TYK2: variants seen among roughly 807,000 people sequenced by gnomAD.
TYK2 encodes tyrosine kinase 2, also known as non-receptor tyrosine-protein kinase TYK2.
Under a neutral mutation model 130.9 loss-of-function variants are expected in TYK2, and 65 were observed. The ratio of observed to expected loss-of-function variants is 0.50; its 90% CI spans 0.41 to 0.61. The LOEUF (loss-of-function observed/expected upper bound fraction) is 0.61, where lower values mean the gene tolerates loss of function less well. Among genes scored for constraint, TYK2 ranks in the 20% least tolerant of loss-of-function variants. The pLI is 0.00. For missense variants in TYK2, 1,378 were observed against 1,610.7 expected (o/e 0.86, Z 2.47); for synonymous variants, 647 against 658.9 (o/e 0.98, Z 0.28).
rs1470486930 is a variant in TYK2, at chr19:10,350,677, T to C, written c.*157A>G. 4 of 840,834 alleles carry C rather than the reference T, an allele frequency of 4.8e-6. No homozygotes were observed. Among genetic ancestry groups the C allele is most frequent in the African/African-American group, 3.4e-5 (2 of 58,262 alleles). 52.1% of individuals were successfully genotyped at this position (840,834 alleles called of 1,614,324 possible). ...TAGGCTCACGGCCAAGAAAGAAAAA[T>C]AAGTTCACAGAGGTGGGGTCTCTAG... On this transcript the variant is annotated 3_prime_UTR_variant, in exon 25 of 25. Coordinates refer to ENST00000525621, the MANE Select transcript of TYK2 (RefSeq NM_003331.5).
In TYK2 at chr19:10,353,527, C is replaced by T; in HGVS notation, c.3027+1G>A. 1 of 1,501,608 alleles carries T rather than the reference C, an allele frequency of 6.7e-7. No individual in the cohort carries two copies. 93.0% of individuals were successfully genotyped at this position (1,501,608 alleles called of 1,614,324 possible). On this transcript the variant is annotated splice_donor_variant, in intron 21 of 24. Coordinates refer to ENST00000525621, the MANE Select transcript of TYK2 (RefSeq NM_003331.5). LOFTEE classifies it high-confidence loss of function. The surrounding 1 kb of genome is among the most constrained non-coding windows in gnomAD (Gnocchi z 6.9). ...CAGAAGCAGGGGCGGGGCCGACCAA[C>T]CTCGCAGATCTGCTGGGCGAAGAGC...
intron 3 of TYK2, among the ~76,000 whole-genome samples, chr19:10,370,199 TA>T (rs887127425): frequency 2.0e-4 from 28 of 139,780 alleles, no homozygotes; most frequent in African/African-American, 1.8e-4. Context: ...CCATCTCTAT[TA>T]AAAAAAAAAA....
chr19:10,363,225 T>C (rs900986183), intron 9 of TYK2, among the ~76,000 whole-genome samples: 3 of 149,480 alleles, frequency 2.0e-5, no homozygotes, highest in African/African-American at 7.4e-5. Flanking sequence ...GGTCTTGCTC[T>C]GTTGCCCAGG....
At position 10,365,832 on chromosome 19, in the gene TYK2, C is replaced by G; in HGVS notation, c.696G>C (p.Leu232=). Residue 232 remains leucine (L), a synonymous_variant, in exon 7 of 25, where the codon CTG becomes CTC. Transcript: ENST00000525621. The part of the protein sequence containing the change: ...HIRQHSALTR[L]RLRNVFRRFL... ...ACCTGCGGAAGACGTTCCGAAGGCG[C>G]AGCCGGGTCAGGGCGCTGTGCTGCC... 6.2e-7 allele frequency: 1 copy of G among 1,612,452 alleles called. No individual in the cohort carries two copies. Among genetic ancestry groups the G allele is most frequent in the Non-Finnish European group, 8.5e-7 (1 of 1,179,794 alleles).
At chr19:10,372,056 T>C (rs1048627068) in intron 3 of TYK2, among the ~76,000 whole-genome samples, 1 of 151,820 alleles carries the variant, frequency 6.6e-6, no homozygotes, top group African/African-American at 2.4e-5. Context: ...GGTGGCTCAA[T>C]CTCCGCTCAC....
intron 3 of TYK2, among the ~76,000 whole-genome samples, chr19:10,372,485 T>TATATATATATATATA (rs59201811): frequency 3.0e-4 from 12 of 39,440 alleles, no homozygotes; most frequent in African/African-American, 5.0e-4. Flanking sequence ...TATATATATA[T>TATATATATATATATA]TTTTTTTTTT....
At chr19:10,377,274 T>G (rs1031286907) in intron 3 of TYK2, among the ~76,000 whole-genome samples, 4 of 151,708 alleles carry the variant, frequency 2.6e-5, no homozygotes, top group Admixed American at 2.0e-4. Context: ...AGGCAGTGAT[T>G]TGCAGCTGCC....
chr19:10,356,763 C>A, intron 17 of TYK2, 45 bp from the exon 18 acceptor site: 1 of 1,555,480 alleles, frequency 6.4e-7, no homozygotes, highest in Non-Finnish European at 8.7e-7. Flanking sequence ...TCCCCTCGCC[C>A]CCAACCCGTT....
intron 3 of TYK2, among the ~76,000 whole-genome samples, chr19:10,373,419 A>AC (rs572429975): frequency 1.0e-3 from 151 of 144,226 alleles, no homozygotes; most frequent in Middle Eastern, 4.2e-3. Flanking sequence ...GCTCACTGCA[A>AC]CTCCGCCTCC....
chr19:10,364,523 A>C lies in TYK2; in HGVS notation c.1367+91T>G, dbSNP rs1599349078. The C allele has an allele frequency of 7.0e-7, 1 of 1,424,714 alleles. No individual in the cohort carries two copies. The highest frequency in any genetic ancestry group is 1.2e-5 in the South Asian group (1 of 85,048). 88.3% of individuals were successfully genotyped at this position (1,424,714 alleles called of 1,614,324 possible). On this transcript the variant is annotated intron_variant, in intron 9 of 24. Coordinates refer to ENST00000525621, the MANE Select transcript of TYK2 (RefSeq NM_003331.5). The surrounding 1 kb of genome is among the most constrained non-coding windows in gnomAD (Gnocchi z 4.9). The stretch of plus-strand genomic sequence containing the variant: ...AAAATAAAAAAAAAATAAGACGTGC[A>C]CCTACACACACACCCTGCACAGCCC...
At chr19:10,356,824 T>C in intron 17 of TYK2, 106 bp from the exon 18 acceptor site, 1 of 1,212,086 alleles carries the variant, frequency 8.3e-7, no homozygotes, top group Non-Finnish European at 1.2e-6. Flanking sequence ...GTGCCCGCTC[T>C]TATCAGTTCC....
At chr19:10,378,520 G>T in intron 2 of TYK2, 94 bp from the exon 3 acceptor site, 1 of 984,072 alleles carries the variant, frequency 1.0e-6, no homozygotes, top group Non-Finnish European at 1.5e-6. Context: ...AGGCCTGAGG[G>T]GAAGATTCTG....
At position 10,361,700 on chromosome 19, in the gene TYK2, C is replaced by A; in HGVS notation, c.1959+70G>T. ...CATCCCACCTCCTCCACAGACACAC[C>A]CCTCCCATCCCACCTCCTCCGGCCA... On this transcript the variant is annotated intron_variant, in intron 13 of 24. Transcript: ENST00000525621. This position sits in a 1 kb window ranked among gnomAD's most constrained non-coding sequence, Gnocchi z 4.0. 3 of 1,587,764 alleles carry A rather than the reference C, an allele frequency of 1.9e-6. No individual in the cohort carries two copies. In the South Asian group the frequency reaches 3.3e-5, roughly 18 times the overall value.
At position 10,353,331 on chromosome 19, in the gene TYK2, G is replaced by T. The variant is rs968204369; in HGVS notation, c.3027+197C>A. The T allele has an allele frequency of 1.6e-5, 9 of 577,142 alleles. 1 individual carries two copies. The Admixed American group carries it at 3.0e-4, about 19-fold the overall frequency. The allele number at this position is 577,142 out of a possible 1,614,324, so 35.8% of individuals were successfully genotyped here. A position where few individuals can be genotyped will look rare whatever the true frequency, so the allele number is the denominator to read the frequency against. ...AGGAGGGCGAGTTGGGAGGGGCCGAGCCGGCTGTGCGTGGTCCCTTGGGAG... is the reference window on the plus strand; with the variant it reads ...AGGAGGGCGAGTTGGGAGGGGCCGATCCGGCTGTGCGTGGTCCCTTGGGAG... On this transcript the variant is annotated intron_variant, in intron 21 of 24. Transcript: ENST00000525621. This position sits in a 1 kb window ranked among gnomAD's most constrained non-coding sequence, Gnocchi z 6.9.
At position 10,362,564 on chromosome 19, in the gene TYK2, C is replaced by A; in HGVS notation, c.1461G>T (p.Val487=). 6.4e-7 allele frequency: 1 copy of A among 1,555,268 alleles called. No homozygotes were observed. Among genetic ancestry groups the A allele is most frequent in the Non-Finnish European group, 8.7e-7 (1 of 1,149,066 alleles). The change falls in exon 10 of 25, where the codon GTG becomes GTT. Residue 487 remains valine, a synonymous_variant. Transcript: ENST00000525621. ...TSHPYRLILT[V]AQRSQAPDGM... ...CTGGGCTCACCTGGCTACGCTGGGCCACTGTGAGGATCAGGCGGTAGGGGT... is the reference window on the plus strand; with the variant it reads ...CTGGGCTCACCTGGCTACGCTGGGCAACTGTGAGGATCAGGCGGTAGGGGT...
At chr19:10,368,562 C>T in intron 3 of TYK2, 144 bp from the exon 4 acceptor site, 1 of 1,229,524 alleles carries the variant, frequency 8.1e-7, no homozygotes, top group Non-Finnish European at 1.2e-6. Context: ...TGCCCCTGGG[C>T]AGAGGACAGT....
chr19:10,377,912 GAA>G (rs2042222796), intron 3 of TYK2, among the ~76,000 whole-genome samples: 1 of 77,600 alleles, frequency 1.3e-5, no homozygotes, highest in Non-Finnish European at 2.6e-5. Context: ...GTGGGTGGAT[GAA>G]TGGGTGGATG....
chr19:10,361,418 G>C lies in TYK2; in HGVS notation c.2047+93C>G. 10 of 1,223,128 alleles carry C rather than the reference G, an allele frequency of 8.2e-6. No homozygotes were observed. The highest frequency in any genetic ancestry group is 1.2e-5 in the Non-Finnish European group (10 of 860,060). 75.8% of individuals were successfully genotyped at this position (1,223,128 alleles called of 1,614,324 possible). On this transcript the variant is annotated intron_variant, in intron 14 of 24. Coordinates refer to ENST00000525621, the MANE Select transcript of TYK2 (RefSeq NM_003331.5). The surrounding 1 kb of genome is among the most constrained non-coding windows in gnomAD (Gnocchi z 4.0). ...GAGTTGAGAAATAGGCATAGGTTGG[G>C]GTGTAGGTCGAGGGTTGGGGTACAG... is the stretch of plus-strand genomic sequence containing the variant.
chr19:10,354,668 C>T lies in TYK2; in HGVS notation c.2618-59G>A, dbSNP rs569903997. 809 of 1,457,456 alleles carry T rather than the reference C, an allele frequency of 5.6e-4. 4 individuals are homozygous for T. Among genetic ancestry groups the T allele is most frequent in the Middle Eastern group, 1.2e-3 (7 of 5,728 alleles). 90.3% of individuals were successfully genotyped at this position (1,457,456 alleles called of 1,614,324 possible). A position where few individuals can be genotyped will look rare whatever the true frequency, so the allele number is the denominator to read the frequency against. On this transcript the variant is annotated intron_variant, in intron 18 of 24. Coordinates refer to ENST00000525621, the MANE Select transcript of TYK2 (RefSeq NM_003331.5). Reference sequence around the variant, plus strand: ...CGATCCTTTCCCCAGCAGGCCCACACTTGGGAGTCACAAAGCCAGCCACAG... The same window carrying T: ...CGATCCTTTCCCCAGCAGGCCCACATTTGGGAGTCACAAAGCCAGCCACAG...
Sources: allele counts gnomAD v4.1 joint callset (sites outside exome capture counted in the v4.1 genomes callset), GRCh38; gene constraint gnomAD v4.1.1; non-coding constraint Gnocchi (gnomAD v3.1); transcripts MANE v1.5; gene names NCBI Gene and HGNC (gene_info 2026-07-23, HGNC 2026-07-21).